Variants in TMEM132C observed in about 807,000 individuals in gnomAD.
TMEM132C encodes transmembrane protein 132C.
TMEM132C carries 29 observed loss-of-function variants against 61.4 expected under a neutral mutation model. That is an observed-to-expected ratio of 0.47 (90% confidence interval 0.35 to 0.64). TMEM132C has a LOEUF of 0.64. TMEM132C is among the 30% of genes least tolerant of loss of function. The pLI is 0.00. For missense variants in TMEM132C, 1,408 were observed against 1,476.9 expected (o/e 0.95, Z 0.76); for synonymous variants, 656 against 633.1 (o/e 1.04, Z -0.54).
intron 2 of TMEM132C, among the ~76,000 whole-genome samples, chr12:128,440,309 C>CA (rs1869740850): frequency 6.6e-6 from 1 of 152,222 alleles, no homozygotes; most frequent in Non-Finnish European, 1.5e-5. Flanking sequence ...TAGTTCTCAA[C>CA]TGCAAACAAC....
chr12:128,357,388 C>G (rs542884897), intron 1 of TMEM132C, among the ~76,000 whole-genome samples: 13 of 152,214 alleles, frequency 8.5e-5, no homozygotes, highest in Admixed American at 2.0e-4. Flanking sequence ...CGAATGCAGT[C>G]AGATTGCTAA....
At position 128,578,338 on chromosome 12, in the gene TMEM132C, A is replaced by G. The variant is rs181328698; in HGVS notation, c.1121+34235A>G. On this transcript the variant is annotated intron_variant, in intron 3 of 8. Transcript: ENST00000435159. ...CACACTGGTCGCAGCCTGTATGTCA[A>G]CATGGATTCTCAATTCCTCCTTCAC... Among the ~76,000 whole-genome samples, 341 of 152,302 alleles carry G rather than the reference A, an allele frequency of 2.2e-3. 4 individuals are homozygous for G. The highest frequency in any genetic ancestry group is 7.8e-3 in the African/African-American group (326 of 41,562).
chr12:128,489,200 G>A (rs1183751805), intron 2 of TMEM132C, among the ~76,000 whole-genome samples: 2 of 151,992 alleles, frequency 1.3e-5, no homozygotes, highest in Admixed American at 6.6e-5. Flanking sequence ...TGATGGGGGC[G>A]TTTTCCTGCT....
chr12:128,616,276 G>T lies in TMEM132C; in HGVS notation c.1246G>T (p.Ala416Ser). The part of the protein sequence containing the change: ...EYPRKGTTDI[A>S]VSEIFVSQKD... Reference sequence around the variant, plus strand: ...CCCACGGAAGGGGACCACAGACATCGCCGTGTCCGAGATCTTTGTCAGCCA... The same window carrying T: ...CCCACGGAAGGGGACCACAGACATCTCCGTGTCCGAGATCTTTGTCAGCCA... Residue 416 changes from alanine to serine, a missense_variant, in exon 4 of 9, where the codon GCC becomes TCC. Transcript: ENST00000435159. 1 of 1,551,842 alleles carries T rather than the reference G, an allele frequency of 6.4e-7. No homozygotes were observed.
chr12:128,534,317 A>T (rs756026977), intron 2 of TMEM132C, among the ~76,000 whole-genome samples: 1 of 152,190 alleles, frequency 6.6e-6, no homozygotes, highest in African/African-American at 2.4e-5. Context: ...GGGACCAGAG[A>T]TGCCACCAAG....
intron 3 of TMEM132C, among the ~76,000 whole-genome samples, chr12:128,553,881 T>C (rs1162688984): frequency 6.6e-6 from 1 of 152,206 alleles, no homozygotes; most frequent in African/African-American, 2.4e-5. Context: ...AGGAATGGCC[T>C]GCGGGAGGAG....
chr12:128,661,406 G>T (rs1162367051), intron 4 of TMEM132C, among the ~76,000 whole-genome samples: 1 of 152,200 alleles, frequency 6.6e-6, no homozygotes, highest in African/African-American at 2.4e-5. Flanking sequence ...ACGTAATCAT[G>T]GGGGTTTGCC....
chr12:128,697,426 A>C lies in TMEM132C; in HGVS notation c.2121+11A>C, dbSNP rs771467292. The C allele has an allele frequency of 6.6e-7, 1 of 1,525,542 alleles. No individual in the cohort carries two copies. The highest frequency in any genetic ancestry group is 1.2e-5 in the South Asian group (1 of 82,132). The allele number at this position is 1,525,542 out of a possible 1,614,324, so 94.5% of individuals were successfully genotyped here. A position where few individuals can be genotyped will look rare whatever the true frequency, so the allele number is the denominator to read the frequency against. ...CGGACCCCCAAACAGGTAGGGGGCC[A>C]AATGCCAGAGGTTCAGAGGGAGCAG... On this transcript the variant is annotated intron_variant, in intron 8 of 8. Transcript: ENST00000435159.
chr12:128,402,329 T>A (rs1397108180), intron 1 of TMEM132C, among the ~76,000 whole-genome samples: 3 of 152,100 alleles, frequency 2.0e-5, no homozygotes, highest in African/African-American at 7.2e-5. Flanking sequence ...GTTTTATAGA[T>A]TAGTTCATCA....
At chr12:128,600,316 T>C (rs1337118557) in intron 3 of TMEM132C, among the ~76,000 whole-genome samples, 2 of 152,140 alleles carry the variant, frequency 1.3e-5, no homozygotes, top group African/African-American at 4.8e-5. Context: ...CTTTTCCCCT[T>C]TTTTGCTCAG....
intron 4 of TMEM132C, among the ~76,000 whole-genome samples, chr12:128,627,996 A>G (rs1383695395): frequency 6.6e-6 from 1 of 152,164 alleles, no homozygotes; most frequent in East Asian, 1.9e-4. Flanking sequence ...CAGGTGCAGA[A>G]TCCTGGCATC....
intron 4 of TMEM132C, among the ~76,000 whole-genome samples, chr12:128,660,253 C>T (rs151246443): frequency 6.6e-6 from 1 of 152,202 alleles, no homozygotes; most frequent in South Asian, 2.1e-4. Flanking sequence ...CAAGTCATTC[C>T]TCCTCGTCCA....
chr12:128,498,139 T>A (rs981258743), intron 2 of TMEM132C, among the ~76,000 whole-genome samples: 8 of 152,184 alleles, frequency 5.3e-5, no homozygotes, highest in Non-Finnish European at 1.2e-4. Context: ...ATGATCCCCT[T>A]ATTTAATTAT....
intron 1 of TMEM132C, among the ~76,000 whole-genome samples, chr12:128,327,394 GT>G (rs1239587006): frequency 7.1e-6 from 1 of 140,928 alleles, no homozygotes; most frequent in Non-Finnish European, 1.5e-5. Flanking sequence ...TTGTTTGTTT[GT>G]TTTTTGAGAT....
chr12:128,342,508 C>T (rs1873008986), intron 1 of TMEM132C, among the ~76,000 whole-genome samples: 3 of 152,232 alleles, frequency 2.0e-5, no homozygotes, highest in Non-Finnish European at 1.5e-5. Context: ...AGACATAGCC[C>T]CCAGTGGATG....
At chr12:128,604,453 T>TAGATAAC (rs1565988516) in intron 3 of TMEM132C, among the ~76,000 whole-genome samples, 215 of 126,058 alleles carry the variant, frequency 1.7e-3, no homozygotes, top group African/African-American at 6.3e-3. Flanking sequence ...AGATAGATAA[T>TAGATAAC]AGATGGATAG....
At chr12:128,382,062 C>A (rs1429624743) in intron 1 of TMEM132C, among the ~76,000 whole-genome samples, 5 of 150,018 alleles carry the variant, frequency 3.3e-5, no homozygotes, top group Non-Finnish European at 4.4e-5. Context: ...TTTAGGTACA[C>A]AAATAATACA....
At chr12:128,440,130 G>A (rs908686774) in intron 2 of TMEM132C, among the ~76,000 whole-genome samples, 1 of 152,206 alleles carries the variant, frequency 6.6e-6, no homozygotes, top group African/African-American at 2.4e-5. Flanking sequence ...CTCAGTCAAA[G>A]GATATTTCTC....
At chr12:128,698,456 G>C (rs1954781078) in intron 8 of TMEM132C, among the ~76,000 whole-genome samples, 1 of 152,252 alleles carries the variant, frequency 6.6e-6, no homozygotes, top group Admixed American at 6.5e-5. Context: ...TGGTATCACA[G>C]CTGTGTCCGT....
Sources: gnomAD v4.1 joint callset for allele counts (sites outside exome capture counted in the v4.1 genomes callset) on GRCh38, gnomAD v4.1.1 for gene constraint, MANE v1.5 for transcripts, NCBI Gene and HGNC (gene_info 2026-07-23, HGNC 2026-07-21) for gene names.